The following ZNF407 variants were observed in gnomAD, a reference collection of about 807,000 sequenced individuals.
The protein encoded by ZNF407 is zinc finger protein 407.
A neutral mutation model predicts 131.2 loss-of-function variants in ZNF407; 17 were observed. The ratio of observed to expected loss-of-function variants is 0.13; its 90% CI spans 0.09 to 0.19. The LOEUF (loss-of-function observed/expected upper bound fraction) is 0.19. Ranked by LOEUF, ZNF407 falls within the 10% of genes least tolerant of loss-of-function variation. The pLI, the probability that ZNF407 is intolerant of heterozygous loss-of-function variation, is 1.00. For synonymous variants in ZNF407, 1,156 were observed against 1,062.0 expected, an observed-to-expected ratio of 1.09 and a Z score of -1.72; for missense variants, 2,681 against 2,830.6, an observed-to-expected ratio of 0.95 and a Z score of 1.20.
rs928733896 is a variant in ZNF407, at chr18:74,920,886, A to G, written c.5428+194A>G. ...TATGAAAACAGGACTTTTCAACTGT[A>G]TTTTATCAAAAAAGGAAATCTGACA... On this transcript the variant is annotated intron_variant, in intron 8 of 8. Coordinates refer to ENST00000299687, the MANE Select transcript of ZNF407 (RefSeq NM_017757.3). The G allele has an allele frequency of 9.7e-6, 12 of 1,241,586 alleles. No homozygotes were observed. The African/African-American group carries it at 1.5e-4, about 16-fold the overall frequency. The allele number at this position is 1,241,586 out of a possible 1,614,324, so 76.9% of individuals were successfully genotyped here. A position where few individuals can be genotyped will look rare whatever the true frequency, so the allele number is the denominator to read the frequency against.
chr18:74,708,142 A>G (rs1967670775), intron 3 of ZNF407, among the ~76,000 whole-genome samples: 1 of 152,180 alleles, frequency 6.6e-6, no homozygotes, highest in Non-Finnish European at 1.5e-5. Context: ...AAAATCCCAA[A>G]CTGGGTACTG....
intron 8 of ZNF407, among the ~76,000 whole-genome samples, chr18:74,983,565 T>C (rs956229708): frequency 1.3e-5 from 2 of 152,194 alleles, no homozygotes; most frequent in African/African-American, 4.8e-5. Flanking sequence ...AGTCAGTCGG[T>C]CTTTGGGTAG....
intron 7 of ZNF407, among the ~76,000 whole-genome samples, chr18:74,907,274 G>A (rs1971609107): frequency 1.3e-5 from 2 of 152,166 alleles, no homozygotes; most frequent in African/African-American, 2.4e-5. Context: ...AGCAGCTGTC[G>A]CTCCTCTCCT....
chr18:74,702,862 A>G (rs1967532764), intron 3 of ZNF407, among the ~76,000 whole-genome samples: 1 of 152,214 alleles, frequency 6.6e-6, no homozygotes, highest in African/African-American at 2.4e-5. Flanking sequence ...CAGTCTTTCT[A>G]AGACTATTTT....
chr18:74,983,182 A>G (rs17056056), intron 8 of ZNF407, among the ~76,000 whole-genome samples: 2,350 of 151,982 alleles, frequency 0.015, 65 homozygotes, highest in African/African-American at 0.053. Flanking sequence ...TTTTTTTTAA[A>G]TCAGTTTTGC....
chr18:74,634,311 G>C lies in ZNF407; in HGVS notation c.3292G>C (p.Glu1098Gln). ...ADMSKNIIMP[E>Q]EEHQQNSEEF... ...CATGTCCAAAAACATCATTATGCCTGAAGAAGAGCATCAACAAAATTCTGA... is the reference window on the plus strand; with the variant it reads ...CATGTCCAAAAACATCATTATGCCTCAAGAAGAGCATCAACAAAATTCTGA... The change falls in exon 2 of 9, where the codon GAA becomes CAA. Residue 1098 changes from glutamate (E) to glutamine (Q), a missense_variant. Physicochemically the swap from Glu to Gln is conservative, Grantham distance 29. Around this residue, in one of 6 missense-constraint regions of ZNF407, gnomAD observed 1,789 missense variants for 1,748.7 expected, o/e 1.02. Coordinates refer to ENST00000299687, the MANE Select transcript of ZNF407 (RefSeq NM_017757.3). The C allele has an allele frequency of 6.2e-6, 10 of 1,613,970 alleles. No individual in the cohort carries two copies. Among genetic ancestry groups the C allele is most frequent in the Non-Finnish European group, 8.5e-6 (10 of 1,179,870 alleles).
At chr18:74,822,716 T>G (rs956597350) in intron 4 of ZNF407, among the ~76,000 whole-genome samples, 1 of 152,212 alleles carries the variant, frequency 6.6e-6, no homozygotes, top group Non-Finnish European at 1.5e-5. Flanking sequence ...TCAGCTTTGT[T>G]ATTTTTGCTT....
intron 4 of ZNF407, among the ~76,000 whole-genome samples, chr18:74,870,440 G>T (rs186345979): frequency 2.6e-5 from 4 of 152,122 alleles, no homozygotes; most frequent in Non-Finnish European, 4.4e-5. Flanking sequence ...TTCAACTTTC[G>T]TCTTGAAGCC....
intron 1 of ZNF407, among the ~76,000 whole-genome samples, chr18:74,620,594 T>C (rs1983472164): frequency 6.6e-6 from 1 of 152,230 alleles, no homozygotes; most frequent in South Asian, 2.1e-4. Flanking sequence ...TTTACTATAC[T>C]CTGACCACTT....
At chr18:74,840,924 C>G (rs1599189196) in intron 4 of ZNF407, among the ~76,000 whole-genome samples, 1 of 152,224 alleles carries the variant, frequency 6.6e-6, no homozygotes, top group African/African-American at 2.4e-5. Flanking sequence ...GTTTGGTAAA[C>G]ACATTGATGC....
intron 1 of ZNF407, among the ~76,000 whole-genome samples, chr18:74,613,842 G>A (rs1201905387): frequency 6.6e-6 from 1 of 152,140 alleles, no homozygotes. Flanking sequence ...AAACAAATAA[G>A]GTAATAAGAA....
At position 74,851,534 on chromosome 18, in the gene ZNF407, C is replaced by T. The variant is rs186190072; in HGVS notation, c.4878-25663C>T. Among the ~76,000 whole-genome samples the T allele has an allele frequency of 5.9e-5, 9 of 152,202 alleles. No individual in the cohort carries two copies. In the East Asian group the frequency reaches 9.6e-4, roughly 16 times the overall value. On this transcript the variant is annotated intron_variant, in intron 4 of 8. Coordinates refer to ENST00000299687, the MANE Select transcript of ZNF407 (RefSeq NM_017757.3). The stretch of plus-strand genomic sequence containing the variant: ...CCTGAATGTGACCCAGGCACAAGGG[C>T]GCGAGGCTGTGCGTGAGGTGTGGAG...
At chr18:74,709,633 C>T (rs928406403) in intron 3 of ZNF407, among the ~76,000 whole-genome samples, 4 of 152,112 alleles carry the variant, frequency 2.6e-5, no homozygotes, top group Non-Finnish European at 4.4e-5. Context: ...GATGTCAGTG[C>T]GATAGCATTG....
In ZNF407 at chr18:74,631,468, A is replaced by G. The variant is rs747231990; in HGVS notation, c.449A>G (p.Glu150Gly). 19 of 1,613,904 alleles carry G rather than the reference A, an allele frequency of 1.2e-5. 1 individual carries two copies. In the South Asian group the frequency reaches 2.0e-4, roughly 17 times the overall value. Reference protein sequence around the residue: ...IDVVSLKTDTEKTSAQEMVSL... With the variant: ...IDVVSLKTDTGKTSAQEMVSL... ...GTTGTTTCTCTGAAAACAGACACTGAAAAAACATCTGCTCAGGAAATGGTT... is the reference window on the plus strand; with the variant it reads ...GTTGTTTCTCTGAAAACAGACACTGGAAAAACATCTGCTCAGGAAATGGTT... Residue 150 changes from glutamate (E) to glycine (G), a missense_variant, in exon 2 of 9, where the codon GAA becomes GGA. Transcript: ENST00000299687.
chr18:74,696,041 A>G (rs1442691235), intron 3 of ZNF407, among the ~76,000 whole-genome samples: 1 of 152,160 alleles, frequency 6.6e-6, no homozygotes, highest in African/African-American at 2.4e-5. Context: ...GTTTTCCTGG[A>G]GAATAGAGTG....
At chr18:74,614,757 GTTTT>G (rs1983213126) in intron 1 of ZNF407, among the ~76,000 whole-genome samples, 2 of 152,110 alleles carry the variant, frequency 1.3e-5, no homozygotes, top group African/African-American at 4.8e-5. Flanking sequence ...TAATTCTCTT[GTTTT>G]ACAAATGTGG....
At chr18:75,005,121 A>G (rs1185854612) in intron 8 of ZNF407, among the ~76,000 whole-genome samples, 4 of 152,272 alleles carry the variant, frequency 2.6e-5, no homozygotes, top group Admixed American at 2.0e-4. Context: ...ATAAACTTCT[A>G]TTATGGAATG....
chr18:75,042,537 A>G (rs568819711), intron 8 of ZNF407, among the ~76,000 whole-genome samples: 3 of 152,252 alleles, frequency 2.0e-5, no homozygotes, highest in South Asian at 2.1e-4. Flanking sequence ...TTGACAGGAA[A>G]TGATTGGCAC....
chr18:74,750,607 C>T (rs770553243), intron 3 of ZNF407, among the ~76,000 whole-genome samples: 12 of 152,108 alleles, frequency 7.9e-5, no homozygotes, highest in Non-Finnish European at 1.5e-4. Context: ...GGTATTCACC[C>T]GTTCATCATT....
Sources: gnomAD v4.1 joint callset for allele counts (sites outside exome capture counted in the v4.1 genomes callset) on GRCh38, gnomAD v4.1.1 for gene constraint, gnomAD v4.1.1 regional missense constraint, MANE v1.5 for transcripts, NCBI Gene and HGNC (gene_info 2026-07-23, HGNC 2026-07-21) for gene names.